Variants in DOCK8 observed in about 807,000 individuals in gnomAD.
The protein encoded by DOCK8 is dedicator of cytokinesis 8.
DOCK8 carries 141 observed loss-of-function variants against 245.6 expected under a neutral mutation model. That is an observed-to-expected ratio of 0.57 (90% confidence interval 0.50 to 0.66). The LOEUF is 0.66. Ranked by LOEUF, DOCK8 falls within the 30% of genes least tolerant of loss-of-function variation. The pLI, the probability that DOCK8 is intolerant of heterozygous loss-of-function variation, is 0.00. For synonymous variants in DOCK8, 1,168 were observed against 970.2 expected (o/e 1.20, Z -3.79); for missense variants, 2,965 against 2,603.4 (o/e 1.14, Z -3.02).
intron 40 of DOCK8, among the ~76,000 whole-genome samples, chr9:441,037 AT>A (rs559092827): frequency 1.6e-4 from 25 of 151,520 alleles, no homozygotes; most frequent in East Asian, 3.9e-4. Context: ...CTCAGCCAGT[AT>A]TTTTTTTTCC....
At chr9:243,454 A>G (rs1043720326) in intron 1 of DOCK8, among the ~76,000 whole-genome samples, 4 of 152,168 alleles carry the variant, frequency 2.6e-5, no homozygotes, top group African/African-American at 9.7e-5. Flanking sequence ...CTCCTCTGCT[A>G]CCAGTGAAAT....
chr9:404,571 G>A (rs2055325674), intron 26 of DOCK8, among the ~76,000 whole-genome samples: 1 of 152,026 alleles, frequency 6.6e-6, no homozygotes, highest in Non-Finnish European at 1.5e-5. Context: ...TTAGTTTCTC[G>A]AACATAGTAG....
intron 4 of DOCK8, among the ~76,000 whole-genome samples, chr9:300,440 A>G (rs2049485181): frequency 6.6e-6 from 1 of 152,206 alleles, no homozygotes; most frequent in Non-Finnish European, 1.5e-5. Flanking sequence ...TGGAGGTACT[A>G]GAAAAACAAT....
rs1042048780 is a variant in DOCK8, at chr9:463,381, C to G, written c.6069-136C>G. 7.1e-6 allele frequency: 7 copies of G among 980,180 alleles called. No homozygotes were observed. In the African/African-American group the frequency reaches 9.8e-5, roughly 14 times the overall value. The allele number at this position is 980,180 out of a possible 1,614,324, so 60.7% of individuals were successfully genotyped here. ...GAAATCTGCATTTTGAAAAGCTCCACAGGTGATCCCGATATGCCACCCAGT... is the reference window on the plus strand; with the variant it reads ...GAAATCTGCATTTTGAAAAGCTCCAGAGGTGATCCCGATATGCCACCCAGT... On this transcript the variant is annotated intron_variant, in intron 46 of 47. Coordinates refer to ENST00000432829, the MANE Select transcript of DOCK8 (RefSeq NM_203447.4).
intron 1 of DOCK8, among the ~76,000 whole-genome samples, chr9:235,726 G>A (rs1206307840): frequency 6.6e-6 from 1 of 152,204 alleles, no homozygotes; most frequent in African/African-American, 2.4e-5. Context: ...TAATCTCCTG[G>A]TGTGCCGTTT....
At chr9:246,089 C>T (rs1052881058) in intron 1 of DOCK8, among the ~76,000 whole-genome samples, 13 of 151,946 alleles carry the variant, frequency 8.6e-5, no homozygotes, top group Non-Finnish European at 7.4e-5. Flanking sequence ...GGCATAGTGG[C>T]GTACCTGTAG....
chr9:313,583 A>G (rs755393868), intron 6 of DOCK8, among the ~76,000 whole-genome samples: 2 of 152,212 alleles, frequency 1.3e-5, no homozygotes, highest in Non-Finnish European at 2.9e-5. Flanking sequence ...GAAACAGAGT[A>G]GAAAGGTGGT....
At chr9:366,925 A>C (rs2053029918) in intron 14 of DOCK8, among the ~76,000 whole-genome samples, 2 of 152,192 alleles carry the variant, frequency 1.3e-5, no homozygotes, top group Middle Eastern at 3.2e-3. Context: ...GGCCATGCTT[A>C]TCAGGGCTCT....
chr9:356,372 C>G (rs1563958491), intron 14 of DOCK8, among the ~76,000 whole-genome samples: 1 of 151,406 alleles, frequency 6.6e-6, no homozygotes, highest in African/African-American at 2.4e-5. Context: ...ACTAAAAATA[C>G]AAAAAAAACT....
chr9:303,448 C>G (rs915446548), intron 4 of DOCK8, among the ~76,000 whole-genome samples: 2 of 152,216 alleles, frequency 1.3e-5, no homozygotes, highest in African/African-American at 4.8e-5. Flanking sequence ...TGAAATACCA[C>G]ACAGCCATAA....
intron 45 of DOCK8, 21 bp from the exon 46 acceptor site, chr9:451,967 ATATATATATATTTTTTTTTTTTT>A: frequency 2.6e-6 from 1 of 384,448 alleles, no homozygotes; most frequent in Non-Finnish European, 4.3e-6. Context: ...ATATATATAT[ATATATATATATTTTTTTTTTTTT>A]TTTTTTTTTT....
upstream of DOCK8, chr9:214,497 T>A: frequency 1.2e-6 from 2 of 1,611,116 alleles, no homozygotes; most frequent in Non-Finnish European, 1.7e-6. Flanking sequence ...CAACCCTTAA[T>A]AACACCTAGC....
chr9:397,141 C>T (rs553578560), intron 25 of DOCK8, among the ~76,000 whole-genome samples: 9 of 152,108 alleles, frequency 5.9e-5, no homozygotes, highest in African/African-American at 1.9e-4. Context: ...GCCAGGGGTT[C>T]GAGACCTGCC....
intron 44 of DOCK8, among the ~76,000 whole-genome samples, chr9:449,168 T>G (rs766541499): frequency 4.6e-5 from 7 of 152,032 alleles, no homozygotes; most frequent in Non-Finnish European, 1.0e-4. Context: ...CTGGCCAACA[T>G]AGAGAAACCG....
At chr9:307,329 GTTTTTTTTGTTTTTT>G (rs2049882817) in intron 5 of DOCK8, among the ~76,000 whole-genome samples, 3 of 75,140 alleles carry the variant, frequency 4.0e-5, no homozygotes, top group African/African-American at 9.8e-5. Context: ...GTTGTGTGTG[GTTTTTTTTGTTTTTT>G]TTTTTTTTTT....
At chr9:270,291 G>C (rs1325078304) in intron 1 of DOCK8, among the ~76,000 whole-genome samples, 1 of 152,216 alleles carries the variant, frequency 6.6e-6, no homozygotes, top group Non-Finnish European at 1.5e-5. Context: ...GCCACCACTA[G>C]GATGAAGGTG....
chr9:372,916 G>A (rs1161828151), intron 18 of DOCK8, among the ~76,000 whole-genome samples: 3 of 152,158 alleles, frequency 2.0e-5, no homozygotes, highest in Admixed American at 1.3e-4. Context: ...TGTAATCCCA[G>A]CACTTTGGGA....
intron 6 of DOCK8, among the ~76,000 whole-genome samples, chr9:313,748 T>C (rs2050226612): frequency 6.6e-6 from 1 of 152,214 alleles, no homozygotes; most frequent in South Asian, 2.1e-4. Context: ...AAAAAGGATT[T>C]TTAATGTTCT....
intron 8 of DOCK8, among the ~76,000 whole-genome samples, chr9:327,643 C>T (rs1050900868): frequency 2.0e-5 from 3 of 152,142 alleles, no homozygotes; most frequent in Non-Finnish European, 4.4e-5. Flanking sequence ...GCAATGTGCC[C>T]GCCTTGGCCT....
Sources: gnomAD v4.1 joint callset for allele counts (sites outside exome capture counted in the v4.1 genomes callset) on GRCh38, gnomAD v4.1.1 for gene constraint, MANE v1.5 for transcripts, NCBI Gene and HGNC (gene_info 2026-07-23, HGNC 2026-07-21) for gene names.